The following HOMER1 variants were observed in gnomAD, a reference collection of about 807,000 sequenced individuals.
HOMER1 encodes homer scaffold protein 1, also known as homer protein homolog 1.
A neutral mutation model predicts 48.9 loss-of-function variants in HOMER1; 3 were observed. The observed-to-expected ratio is 0.06, with a 90% CI of 0.03 to 0.16. The LOEUF (loss-of-function observed/expected upper bound fraction) is 0.16, where lower values mean the gene tolerates loss of function less well. Ranked by LOEUF, HOMER1 falls within the 10% of genes least tolerant of loss-of-function variation. HOMER1 has a pLI of 1.00. For missense variants in HOMER1, 247 were observed against 411.4 expected (o/e 0.60, Z 3.46); for synonymous variants, 134 against 146.4 (o/e 0.92, Z 0.61).
intron 1 of HOMER1, among the ~76,000 whole-genome samples, chr5:79,491,974 A>G (rs1481097602): frequency 6.6e-6 from 1 of 152,194 alleles, no homozygotes; most frequent in Non-Finnish European, 1.5e-5. Context: ...ACCTGGCTCT[A>G]GAGACCTCAA....
intron 2 of HOMER1, among the ~76,000 whole-genome samples, chr5:79,453,386 T>A (rs1751081841): frequency 6.6e-6 from 1 of 152,192 alleles, no homozygotes. Context: ...GCCCCCTCAT[T>A]TTAACTATTT....
intron 8 of HOMER1, among the ~76,000 whole-genome samples, chr5:79,393,938 G>T (rs10079086): frequency 1.3e-5 from 2 of 151,816 alleles, no homozygotes; most frequent in African/African-American, 4.8e-5. Context: ...ACCAACACTG[G>T]GACAAGGAAA....
chr5:79,396,295 A>AAATAAT (rs773249913), intron 8 of HOMER1, among the ~76,000 whole-genome samples: 8 of 147,434 alleles, frequency 5.4e-5, no homozygotes, highest in East Asian at 1.9e-4. Context: ...GTACATTGTA[A>AAATAAT]AATAATAATA....
In HOMER1 at chr5:79,497,490, A is replaced by AAAAT. The variant is rs375059979; in HGVS notation, c.5+15276_5+15279dup. ...CATGGCAAAACCCCGTCTCTACTAA[A>AAAAT]AAATAAATAAATAAATAAATAAATA... is the stretch of plus-strand genomic sequence containing the variant. On this transcript the variant is annotated intron_variant, in intron 1 of 8. Coordinates refer to ENST00000334082, the MANE Select transcript of HOMER1 (RefSeq NM_004272.5). 5.5e-3 allele frequency among the ~76,000 whole-genome samples: 832 copies of AAAAT among 151,712 alleles called. 4 individuals are homozygous for AAAAT. The highest frequency in any genetic ancestry group is 0.013 in the Admixed American group (194 of 15,226).
At chr5:79,471,052 G>A (rs1189558131) in intron 1 of HOMER1, among the ~76,000 whole-genome samples, 3 of 152,162 alleles carry the variant, frequency 2.0e-5, no homozygotes, top group Non-Finnish European at 4.4e-5. Context: ...AAAAAAAGTG[G>A]GGTGGGGAGG....
chr5:79,425,238 T>C (rs755714440), intron 5 of HOMER1, among the ~76,000 whole-genome samples: 1 of 151,538 alleles, frequency 6.6e-6, no homozygotes, highest in African/African-American at 2.4e-5. Context: ...AAACTGGCTG[T>C]CTCCGGAGTA....
intron 1 of HOMER1, among the ~76,000 whole-genome samples, chr5:79,476,324 G>A (rs1751778150): frequency 1.3e-5 from 2 of 152,070 alleles, no homozygotes; most frequent in Admixed American, 6.6e-5. Flanking sequence ...ATGACTAAAC[G>A]TGGGGGATTT....
At chr5:79,462,102 G>A (rs1440379861) in intron 1 of HOMER1, among the ~76,000 whole-genome samples, 2 of 152,032 alleles carry the variant, frequency 1.3e-5, no homozygotes, top group Admixed American at 6.6e-5. Flanking sequence ...AGGAGGCTGC[G>A]GCAGGAGAAT....
rs925499128 is a variant in HOMER1 at position 79,514,053 on chromosome 5, C to CGCCG, written c.-1283_-1280dup. 4 of 152,248 alleles carry CGCCG rather than the reference C, an allele frequency of 2.6e-5. No homozygotes were observed. Among genetic ancestry groups the CGCCG allele is most frequent in the African/African-American group, 7.2e-5 (3 of 41,422 alleles). 9.4% of individuals were successfully genotyped at this position (152,248 alleles called of 1,614,324 possible). A position where few individuals can be genotyped will look rare whatever the true frequency, so the allele number is the denominator to read the frequency against. On this transcript the variant is annotated 5_prime_UTR_variant, in exon 1 of 9. Transcript: ENST00000334082. ...TGAAGCCTGCCGCTGCCTCCGCCTC[C>CGCCG]GCCGGCCGGCCGGCTGGCAGAGAAG...
chr5:79,429,323 C>G (rs1186934788), intron 5 of HOMER1, among the ~76,000 whole-genome samples: 1 of 152,124 alleles, frequency 6.6e-6, no homozygotes, highest in Non-Finnish European at 1.5e-5. Flanking sequence ...TGCAGTGAGC[C>G]AAGACGGCCC....
At chr5:79,434,625 A>G (rs1750521033) in intron 5 of HOMER1, among the ~76,000 whole-genome samples, 1 of 152,178 alleles carries the variant, frequency 6.6e-6, no homozygotes, top group African/African-American at 2.4e-5. Context: ...CCAAAAAATC[A>G]GTAAACATTT....
At position 79,374,353 on chromosome 5, in the gene HOMER1, A is replaced by T. The variant is rs1748705319; in HGVS notation, c.*1656T>A. 1 of 152,400 alleles carries T rather than the reference A, an allele frequency of 6.6e-6. No individual in the cohort carries two copies. Among genetic ancestry groups the T allele is most frequent in the African/African-American group, 2.4e-5 (1 of 41,436 alleles). The allele number at this position is 152,400 out of a possible 1,614,324, so 9.4% of individuals were successfully genotyped here. ...ATTTTTCAGAGACACCTGAAAACTC[A>T]CTTAAGAAACTAACTTCAGAAACAA... is the stretch of plus-strand genomic sequence containing the variant. On this transcript the variant is annotated 3_prime_UTR_variant, in exon 9 of 9. Coordinates refer to ENST00000334082, the MANE Select transcript of HOMER1 (RefSeq NM_004272.5).
intron 1 of HOMER1, among the ~76,000 whole-genome samples, chr5:79,472,178 A>C (rs573924592): frequency 1.3e-5 from 2 of 152,346 alleles, no homozygotes; most frequent in Admixed American, 1.3e-4. Flanking sequence ...AGATATTCAG[A>C]AAATAATAGT....
chr5:79,431,897 C>T (rs1477943590), intron 5 of HOMER1, among the ~76,000 whole-genome samples: 2 of 152,144 alleles, frequency 1.3e-5, no homozygotes, highest in African/African-American at 4.8e-5. Flanking sequence ...TGTATTATCC[C>T]CATGAAGCAA....
chr5:79,432,789 C>T (rs73770402), intron 5 of HOMER1, among the ~76,000 whole-genome samples: 23 of 152,250 alleles, frequency 1.5e-4, no homozygotes, highest in African/African-American at 4.8e-4. Flanking sequence ...GAACAATGTA[C>T]ATGACCAAAT....
chr5:79,490,918 C>T (rs1340649331), intron 1 of HOMER1, among the ~76,000 whole-genome samples: 2 of 151,014 alleles, frequency 1.3e-5, no homozygotes, highest in Admixed American at 1.3e-4. Flanking sequence ...GAGCAAGACC[C>T]TGTCTCTAAA....
At chr5:79,493,177 C>T (rs934222806) in intron 1 of HOMER1, among the ~76,000 whole-genome samples, 1 of 152,122 alleles carries the variant, frequency 6.6e-6, no homozygotes, top group South Asian at 2.1e-4. Flanking sequence ...CTCAGCCTCC[C>T]AAAGTGCTGG....
intron 1 of HOMER1, among the ~76,000 whole-genome samples, chr5:79,507,840 T>C (rs1229002213): frequency 6.6e-6 from 1 of 152,208 alleles, no homozygotes; most frequent in Admixed American, 6.5e-5. Context: ...GTCAACCCCT[T>C]AACTCCCAAA....
At chr5:79,461,795 G>A (rs997180823) in intron 1 of HOMER1, among the ~76,000 whole-genome samples, 10 of 152,120 alleles carry the variant, frequency 6.6e-5, no homozygotes, top group African/African-American at 2.4e-4. Context: ...ATTCAGTAAC[G>A]ACTACAGTAT....
Sources: gnomAD v4.1 joint callset for allele counts (sites outside exome capture counted in the v4.1 genomes callset) on GRCh38, gnomAD v4.1.1 for gene constraint, MANE v1.5 for transcripts, NCBI Gene and HGNC (gene_info 2026-07-23, HGNC 2026-07-21) for gene names.